Variants in UNC13A observed in about 807,000 individuals in gnomAD.
UNC13A encodes the protein unc-13 homolog A.
Under a neutral mutation model 219.7 loss-of-function variants are expected in UNC13A, and 61 were observed. The ratio of observed to expected loss-of-function variants is 0.28; its 90% confidence interval spans 0.23 to 0.34. The LOEUF (loss-of-function observed/expected upper bound fraction) is 0.34. Ranked by LOEUF, UNC13A falls within the 10% of genes least tolerant of loss-of-function variation. UNC13A has a pLI of 1.00. For missense variants in UNC13A, 1,476 were observed against 2,270.3 expected (o/e 0.65, Z 7.11); for synonymous variants, 920 against 884.6 (o/e 1.04, Z -0.71).
chr19:17,624,151 G>T (rs1364282712), intron 35 of UNC13A, among the ~76,000 whole-genome samples: 5 of 149,394 alleles, frequency 3.3e-5, no homozygotes, highest in African/African-American at 9.9e-5. Context: ...TTGAGAAAGG[G>T]TCTCGTTCTG....
rs752496277 is a variant in UNC13A at position 17,606,312 on chromosome 19, C to T, written c.4854G>A (p.Gln1618=). 19 of 1,549,496 alleles carry T rather than the reference C, an allele frequency of 1.2e-5. No individual in the cohort carries two copies. The highest frequency in any genetic ancestry group is 9.8e-5 in the East Asian group (4 of 40,968). ...CGAAGCAGTAGTCCTTGACGCACAC[C>T]TGCAGCTCATAGCACTCGGGACCCG... is the stretch of plus-strand genomic sequence containing the variant. ...ADAGPECYEL[Q]VCVKDYCFAR... is the part of the protein sequence containing the mutation. The change falls in exon 44 of 44, where the codon CAG becomes CAA. Residue 1618 remains glutamine, a synonymous_variant. Transcript: ENST00000519716.
chr19:17,655,374 G>A lies in UNC13A; in HGVS notation c.1292C>T (p.Pro431Leu), dbSNP rs554093295. Residue 431 changes from proline to leucine, a missense_variant, in exon 11 of 44, where the codon CCG becomes CTG. Physicochemically the swap from Pro to Leu is moderately conservative, Grantham distance 98 (BLOSUM62 -3). This residue lies in a region of UNC13A where 351 missense variants were observed against 342.6 expected (regional missense o/e 1.02). Transcript: ENST00000519716. Reference protein sequence around the residue: ...EPPKDEESFRPREDEEGQEGQ... With the variant: ...EPPKDEESFRLREDEEGQEGQ... ...CTCCTGGCCTTCCTCATCCTCTCTC[G>A]GCCTGAAACTGAGGCAGGGAACGCT... 23 of 1,580,318 alleles carry A rather than the reference G, an allele frequency of 1.5e-5. No individual in the cohort carries two copies. Among genetic ancestry groups the A allele is most frequent in the East Asian group, 6.9e-5 (3 of 43,288 alleles).
chr19:17,610,464 T>TA (rs1045015039), intron 42 of UNC13A, among the ~76,000 whole-genome samples: 28 of 151,678 alleles, frequency 1.8e-4, no homozygotes, highest in Non-Finnish European at 4.0e-4. Flanking sequence ...AGATCCTGTC[T>TA]AAAAAAAATA....
chr19:17,606,580 C>T (rs965576849), intron 43 of UNC13A, among the ~76,000 whole-genome samples: 1 of 149,498 alleles, frequency 6.7e-6, no homozygotes, highest in Non-Finnish European at 1.5e-5. Flanking sequence ...CACGCCTGTT[C>T]TTCCCATTTT....
At chr19:17,680,639 C>T (rs1355712380) in intron 1 of UNC13A, among the ~76,000 whole-genome samples, 2 of 152,062 alleles carry the variant, frequency 1.3e-5, no homozygotes, top group Admixed American at 6.6e-5. Context: ...AATGGGGAGA[C>T]GGAGTGGCTG....
chr19:17,632,781 C>T lies in UNC13A; in HGVS notation c.3428+1G>A, dbSNP rs565430059. ...GGTTGGGCCTGGGGCAGGGGACTTA[C>T]GCAGGGTACTCAGGCACGCGGTCCT... On this transcript the variant is annotated splice_donor_variant, in intron 28 of 43. Coordinates refer to ENST00000519716, the MANE Select transcript of UNC13A (RefSeq NM_001080421.3). LOFTEE classifies it high-confidence loss of function. The T allele has an allele frequency of 3.1e-6, 5 of 1,613,712 alleles. No individual in the cohort carries two copies. The highest frequency in any genetic ancestry group is 1.1e-5 in the South Asian group (1 of 91,058).
At chr19:17,659,588 T>G (rs1401030252) in intron 8 of UNC13A, among the ~76,000 whole-genome samples, 1 of 152,030 alleles carries the variant, frequency 6.6e-6, no homozygotes, top group Non-Finnish European at 1.5e-5. Flanking sequence ...GGCAACATAG[T>G]AAGGCCCCAT....
Position 17,641,522 on chromosome 19 carries a change from T to C in UNC13A, c.2507A>G (p.Asn836Ser), listed in dbSNP as rs201862997. 6.9e-5 allele frequency: 112 copies of C among 1,613,872 alleles called. No individual in the cohort carries two copies. In the Middle Eastern group the frequency reaches 9.9e-4, roughly 14 times the overall value. The change falls in exon 21 of 44, where the codon AAT becomes AGT. Residue 836 changes from asparagine to serine, a missense_variant. Physicochemically the swap from Asn to Ser is conservative, Grantham distance 46. Coordinates refer to ENST00000519716, the MANE Select transcript of UNC13A (RefSeq NM_001080421.3). Reference sequence around the variant, plus strand: ...GGCATCTGGGATCTTCACGACCCCATTGTTCTGCACGTCGGTCACGAAGTG... The same window carrying C: ...GGCATCTGGGATCTTCACGACCCCACTGTTCTGCACGTCGGTCACGAAGTG... Reference protein sequence around the residue: ...LFHFVTDVQNNGVVKIPDAKG... With the variant: ...LFHFVTDVQNSGVVKIPDAKG...
intron 19 of UNC13A, 25 bp from the exon 20 acceptor site, chr19:17,642,985 T>A: frequency 2.5e-6 from 4 of 1,574,242 alleles, no homozygotes; most frequent in Non-Finnish European, 3.5e-6. Flanking sequence ...AAGAAGACAG[T>A]GTCAGAACTT....
In UNC13A at chr19:17,649,836, T is replaced by C. The variant is rs1478449464; in HGVS notation, c.1440-249A>G. On this transcript the variant is annotated intron_variant, in intron 12 of 43. Transcript: ENST00000519716. The surrounding 1 kb of genome is among the most constrained non-coding windows in gnomAD (Gnocchi z 4.4). ...TAGACACTTAATCTAATATGACTGGTGTCCTTAGAAGAAGAGATACATGGG... is the reference window on the plus strand; with the variant it reads ...TAGACACTTAATCTAATATGACTGGCGTCCTTAGAAGAAGAGATACATGGG... Among the ~76,000 whole-genome samples the C allele has an allele frequency of 6.6e-6, 1 of 152,120 alleles. No homozygotes were observed. Among genetic ancestry groups the C allele is most frequent in the Non-Finnish European group, 1.5e-5 (1 of 68,016 alleles).
At chr19:17,608,964 T>A (rs547130296) in intron 43 of UNC13A, among the ~76,000 whole-genome samples, 7 of 149,244 alleles carry the variant, frequency 4.7e-5, no homozygotes, top group African/African-American at 1.7e-4. Flanking sequence ...GCAGACTTTT[T>A]TTTTTTTTTT....
chr19:17,643,709 T>C (rs1248747582), intron 19 of UNC13A, among the ~76,000 whole-genome samples: 1 of 152,204 alleles, frequency 6.6e-6, no homozygotes, highest in Non-Finnish European at 1.5e-5. Flanking sequence ...CCTTAAGCCC[T>C]GTCTCTTCCT....
chr19:17,661,155 T>G (rs1287085388), intron 8 of UNC13A, among the ~76,000 whole-genome samples: 1 of 150,106 alleles, frequency 6.7e-6, no homozygotes, highest in East Asian at 2.0e-4. Context: ...CCCAGGCTGA[T>G]TTCAGACTTT....
chr19:17,678,581 T>G (rs2079945348), intron 1 of UNC13A, among the ~76,000 whole-genome samples: 1 of 152,012 alleles, frequency 6.6e-6, no homozygotes, highest in East Asian at 1.9e-4. Context: ...TCTTTTTTTT[T>G]TCTAGGTCTG....
intron 1 of UNC13A, among the ~76,000 whole-genome samples, chr19:17,677,743 A>G (rs961983797): frequency 6.6e-6 from 1 of 152,050 alleles, no homozygotes; most frequent in African/African-American, 2.4e-5. Flanking sequence ...CAATGCATGC[A>G]CATGTTGTAA....
At chr19:17,625,515 A>G (rs1268962847) in intron 34 of UNC13A, among the ~76,000 whole-genome samples, 5 of 151,482 alleles carry the variant, frequency 3.3e-5, no homozygotes, top group Non-Finnish European at 5.9e-5. Context: ...TTAATTCTCT[A>G]TTTCTTTTTC....
At chr19:17,623,927 G>A (rs916745029) in intron 35 of UNC13A, among the ~76,000 whole-genome samples, 1 of 151,944 alleles carries the variant, frequency 6.6e-6, no homozygotes, top group East Asian at 1.9e-4. Context: ...CTGGTCTATC[G>A]GTCCTGGTCT....
rs546420246 is a variant in UNC13A, at chr19:17,666,683, C to T, written c.490G>A (p.Asp164Asn). 166 of 1,528,214 alleles carry T rather than the reference C, an allele frequency of 1.1e-4. 3 individuals carry two copies. The South Asian group carries it at 2.0e-3, about 19-fold the overall frequency. The allele number at this position is 1,528,214 out of a possible 1,614,324, so 94.7% of individuals were successfully genotyped here. A position where few individuals can be genotyped will look rare whatever the true frequency, so the allele number is the denominator to read the frequency against. Residue 164 changes from aspartate to asparagine, a missense_variant, in exon 7 of 44, where the codon GAC becomes AAC. By Grantham distance (23) the Asp-to-Asn change is conservative. This residue lies in a region of UNC13A where 203 missense variants were observed against 301.6 expected (regional missense o/e 0.67). Coordinates refer to ENST00000519716, the MANE Select transcript of UNC13A (RefSeq NM_001080421.3). ...QDEYSFQDEQDKPLPVPSNQC... is the reference protein window; with the variant it reads ...QDEYSFQDEQNKPLPVPSNQC... ...TTGCTGGGGACAGGCAGAGGCTTGT[C>T]TTGCTCATCTTGGAACGAATACTGA... is the stretch of plus-strand genomic sequence containing the variant.
At chr19:17,670,309 C>T (rs1000042318) in intron 4 of UNC13A, among the ~76,000 whole-genome samples, 10 of 151,848 alleles carry the variant, frequency 6.6e-5, no homozygotes, top group Non-Finnish European at 2.9e-5. Flanking sequence ...GGCGTGATCT[C>T]AGCTCACTGC....
Sources: allele counts gnomAD v4.1 joint callset (sites outside exome capture counted in the v4.1 genomes callset), GRCh38; gene constraint gnomAD v4.1.1; regional missense constraint gnomAD v4.1.1; non-coding constraint Gnocchi (gnomAD v3.1); transcripts MANE v1.5; gene names NCBI Gene and HGNC (gene_info 2026-07-23, HGNC 2026-07-21).